Variants in AGBL3 observed in about 807,000 individuals in gnomAD.
The protein encoded by AGBL3 is cytosolic carboxypeptidase 3.
In AGBL3, 68 loss-of-function variants were observed where a neutral mutation model predicts 94.5. The ratio of observed to expected loss-of-function variants is 0.72; its 90% CI spans 0.59 to 0.88. The LOEUF (loss-of-function observed/expected upper bound fraction) is 0.88. Ranked by LOEUF, AGBL3 falls within the 40% of genes least tolerant of loss-of-function variation. The pLI is 0.00. For missense variants in AGBL3, 934 were observed against 1,103.8 expected (o/e 0.85, Z 2.18); for synonymous variants, 354 against 370.7 (o/e 0.95, Z 0.52).
At chr7:135,092,964 C>A (rs2116926916) in intron 15 of AGBL3, 1 of 151,132 alleles carries the variant, frequency 6.6e-6, no homozygotes, top group East Asian at 1.9e-4. Flanking sequence ...AAGTATCTGG[C>A]AAAATCCAAC....
At chr7:135,044,302 C>T (rs1584929309) in intron 9 of AGBL3, among the ~76,000 whole-genome samples, 151 bp downstream of exon 9, 1 of 152,176 alleles carries the variant, frequency 6.6e-6, no homozygotes, top group East Asian at 1.9e-4. Context: ...TGAATAAACT[C>T]TCAAAATATG....
At chr7:135,097,777 T>C (rs767933262) in intron 15 of AGBL3, among the ~76,000 whole-genome samples, 33 of 152,244 alleles carry the variant, frequency 2.2e-4, no homozygotes, top group Non-Finnish European at 4.3e-4. Context: ...TTTGATATTA[T>C]ATGTAGGTTG....
chr7:135,123,092 C>T (rs199625450), intron 16 of AGBL3, among the ~76,000 whole-genome samples: 7 of 152,204 alleles, frequency 4.6e-5, no homozygotes, highest in South Asian at 2.1e-4. Context: ...TAATAAAAAA[C>T]GGCTCTGAGC....
chr7:134,987,995 C>A lies in AGBL3; in HGVS notation c.62C>A (p.Ser21Ter). The change falls in exon 2 of 17, where the codon TCG becomes TAG. Residue 21 changes from serine (S) to a stop codon, truncating the protein, a stop_gained and splice_region_variant. Transcript: ENST00000436302. LOFTEE classifies it high-confidence loss of function. ...SDRTISDEDE[S>*]DEDMFMKFVS... Reference sequence around the variant, plus strand: ...AGAACAATCAGTGATGAAGATGAATCGGTATGTTTTTCTCAACTTTATTTT... The same window carrying A: ...AGAACAATCAGTGATGAAGATGAATAGGTATGTTTTTCTCAACTTTATTTT... 1 of 1,536,124 alleles carries A rather than the reference C, an allele frequency of 6.5e-7. No individual in the cohort carries two copies. The highest frequency in any genetic ancestry group is 1.2e-5 in the South Asian group (1 of 80,650).
At chr7:135,064,496 C>G (rs1048583940) in intron 12 of AGBL3, among the ~76,000 whole-genome samples, 2 of 152,034 alleles carry the variant, frequency 1.3e-5, no homozygotes, top group Admixed American at 1.3e-4. Flanking sequence ...ATAAGGGAGA[C>G]CAATTAGGGG....
At chr7:134,999,297 G>A (rs191392401) in intron 4 of AGBL3, among the ~76,000 whole-genome samples, 2 of 152,288 alleles carry the variant, frequency 1.3e-5, no homozygotes, top group Admixed American at 1.3e-4. Context: ...CCCTTTTATA[G>A]TCTCTGGGGG....
At chr7:135,109,318 A>T (rs1012359234) in intron 15 of AGBL3, among the ~76,000 whole-genome samples, 2 of 152,228 alleles carry the variant, frequency 1.3e-5, no homozygotes, top group African/African-American at 4.8e-5. Context: ...GGGCTGCAAG[A>T]GAGCAAAGAT....
chr7:135,053,877 T>C (rs1425781812), intron 11 of AGBL3, among the ~76,000 whole-genome samples: 2 of 152,334 alleles, frequency 1.3e-5, no homozygotes, highest in East Asian at 1.9e-4. Flanking sequence ...AGAATAAGTA[T>C]ATATTAAATA....
chr7:135,049,570 C>T (rs758661316), intron 11 of AGBL3, among the ~76,000 whole-genome samples: 3 of 151,884 alleles, frequency 2.0e-5, no homozygotes, highest in Non-Finnish European at 2.9e-5. Context: ...AAGAGATTTT[C>T]GATTACTGAT....
At chr7:135,059,380 A>G (rs1818628239) in intron 12 of AGBL3, 145 bp downstream of exon 12, 3 of 517,942 alleles carry the variant, frequency 5.8e-6, no homozygotes, top group African/African-American at 2.0e-5. Context: ...TTTAAATCAT[A>G]GAATTATTTA....
chr7:135,134,521 T>C (rs1351247038), intron 16 of AGBL3, among the ~76,000 whole-genome samples: 1 of 152,094 alleles, frequency 6.6e-6, no homozygotes, highest in East Asian at 1.9e-4. Context: ...TACTTTACTT[T>C]TTAGTGACCA....
At chr7:135,079,375 A>AT (rs1179054862) in intron 13 of AGBL3, among the ~76,000 whole-genome samples, 4 of 151,800 alleles carry the variant, frequency 2.6e-5, no homozygotes, top group Non-Finnish European at 4.4e-5. Context: ...GATTTTGCCC[A>AT]TTTTTTTGCT....
At chr7:135,038,946 G>A (rs376134395) in intron 8 of AGBL3, among the ~76,000 whole-genome samples, 54 of 145,892 alleles carry the variant, frequency 3.7e-4, no homozygotes, top group African/African-American at 1.1e-3. Flanking sequence ...ACGATAGAGC[G>A]AGACTTTGTC....
intron 15 of AGBL3, among the ~76,000 whole-genome samples, chr7:135,088,607 A>C (rs1821521939): frequency 6.6e-6 from 1 of 152,156 alleles, no homozygotes; most frequent in Non-Finnish European, 1.5e-5. Flanking sequence ...CTTGTCTATG[A>C]CAGACTTTAT....
At chr7:135,013,858 T>C (rs1813445302) in intron 4 of AGBL3, among the ~76,000 whole-genome samples, 1 of 152,018 alleles carries the variant, frequency 6.6e-6, no homozygotes, top group African/African-American at 2.4e-5. Flanking sequence ...GCCAAAAGCA[T>C]CTGAACTGGA....
chr7:135,073,886 T>A (rs1820214098), intron 12 of AGBL3, among the ~76,000 whole-genome samples: 1 of 152,174 alleles, frequency 6.6e-6, no homozygotes, highest in Non-Finnish European at 1.5e-5. Flanking sequence ...GCTTGTGGAT[T>A]TCATTTCTGC....
chr7:135,018,729 T>A (rs1245051131), intron 5 of AGBL3, among the ~76,000 whole-genome samples: 1 of 152,202 alleles, frequency 6.6e-6, no homozygotes, highest in Non-Finnish European at 1.5e-5. Context: ...GTAGGTAAGA[T>A]GTAATTTAAA....
intron 1 of AGBL3, among the ~76,000 whole-genome samples, chr7:134,987,276 G>A (rs1584724374): frequency 6.6e-6 from 1 of 152,212 alleles, no homozygotes; most frequent in African/African-American, 2.4e-5. Context: ...AACTTGACAA[G>A]AAATTTCGAT....
At chr7:135,118,764 T>C (rs1048344024) in intron 16 of AGBL3, among the ~76,000 whole-genome samples, 1 of 151,934 alleles carries the variant, frequency 6.6e-6, no homozygotes, top group African/African-American at 2.4e-5. Flanking sequence ...CAAAAAACAC[T>C]TATAAACACA....
Sources: gnomAD v4.1 joint callset for allele counts (sites outside exome capture counted in the v4.1 genomes callset) on GRCh38, gnomAD v4.1.1 for gene constraint, MANE v1.5 for transcripts, NCBI Gene and HGNC (gene_info 2026-07-23, HGNC 2026-07-21) for gene names.